CTNNA2: variants seen among roughly 807,000 people sequenced by gnomAD.
The protein encoded by CTNNA2 is catenin alpha-2.
CTNNA2 carries 42 observed loss-of-function variants against 101.0 expected under a neutral mutation model. That is an observed-to-expected ratio of 0.42 (90% CI 0.32 to 0.54). The LOEUF (loss-of-function observed/expected upper bound fraction) is 0.54. CTNNA2 is among the 20% of genes least tolerant of loss of function. The pLI is 0.14. For missense variants in CTNNA2, 871 were observed against 1,223.1 expected, an observed-to-expected ratio of 0.71 and a Z score of 4.29; for synonymous variants, 450 against 456.4, an observed-to-expected ratio of 0.99 and a Z score of 0.18.
At chr2:79,302,042 G>A (rs981897198) in intron 2 of CTNNA2, among the ~76,000 whole-genome samples, 5 of 152,024 alleles carry the variant, frequency 3.3e-5, no homozygotes, top group African/African-American at 7.3e-5. Flanking sequence ...GCAGTGAGCC[G>A]AGGCTGCACA....
chr2:80,431,561 C>G (rs1299093795), intron 9 of CTNNA2, among the ~76,000 whole-genome samples: 1 of 152,172 alleles, frequency 6.6e-6, no homozygotes, highest in Non-Finnish European at 1.5e-5. Flanking sequence ...GAAAACATGT[C>G]ATTACAGTGG....
intron 7 of CTNNA2, among the ~76,000 whole-genome samples, chr2:80,023,462 GCT>G (rs902972481): frequency 3.3e-5 from 5 of 150,498 alleles, no homozygotes; most frequent in African/African-American, 1.3e-4. Flanking sequence ...GTGGATTCAG[GCT>G]CTGTTTTTTT....
At position 79,571,879 on chromosome 2, in the gene CTNNA2, T is replaced by C. The variant is rs758309481; in HGVS notation, c.-6+58672T>C. Among the ~76,000 whole-genome samples, 6 of 152,130 alleles carry C rather than the reference T, an allele frequency of 3.9e-5. No individual in the cohort carries two copies. The South Asian group carries it at 1.2e-3, about 32-fold the overall frequency. On this transcript the variant is annotated intron_variant, in intron 1 of 18. Coordinates refer to ENST00000402739, the MANE Select transcript of CTNNA2 (RefSeq NM_001282597.3). ...CTTTCCCTCTTTCACTATGACCACC[T>C]TCTTATTTTAGTACTGTCTATACTT...
intron 2 of CTNNA2, among the ~76,000 whole-genome samples, chr2:79,670,143 C>A (rs760652440): frequency 8.3e-4 from 126 of 152,284 alleles, no homozygotes; most frequent in South Asian, 1.0e-3. Context: ...ACAGCTGCAC[C>A]CGGGAGCTCA....
intron 2 of CTNNA2, among the ~76,000 whole-genome samples, chr2:79,242,363 G>A (rs1379466888): frequency 6.6e-6 from 1 of 151,658 alleles, no homozygotes; most frequent in Non-Finnish European, 1.5e-5. Context: ...TTTTTTGTTT[G>A]TTGCATCTAA....
At chr2:80,140,362 G>C (rs1702939420) in intron 7 of CTNNA2, among the ~76,000 whole-genome samples, 2 of 152,124 alleles carry the variant, frequency 1.3e-5, no homozygotes, top group South Asian at 4.1e-4. Flanking sequence ...CCTCGGGCAT[G>C]CCATGACCTT....
chr2:79,839,664 G>A (rs529830139), intron 3 of CTNNA2, among the ~76,000 whole-genome samples: 3 of 151,210 alleles, frequency 2.0e-5, no homozygotes, highest in Non-Finnish European at 4.4e-5. Flanking sequence ...CTATCTTCTA[G>A]TTTTTTTTCT....
intron 7 of CTNNA2, among the ~76,000 whole-genome samples, chr2:80,061,725 C>T (rs1286262369): frequency 2.6e-5 from 4 of 152,036 alleles, no homozygotes; most frequent in Non-Finnish European, 5.9e-5. Context: ...TTAAATTTGT[C>T]GCTTATAATA....
intron 9 of CTNNA2, among the ~76,000 whole-genome samples, chr2:80,479,645 AG>A (rs1685997103): frequency 6.6e-6 from 1 of 152,134 alleles, no homozygotes; most frequent in South Asian, 2.1e-4. Context: ...GCAGATATGG[AG>A]GAAAGCTTTC....
intron 7 of CTNNA2, among the ~76,000 whole-genome samples, chr2:80,311,573 T>A (rs1342496036): frequency 1.3e-5 from 2 of 152,248 alleles, no homozygotes; most frequent in African/African-American, 4.8e-5. Context: ...TTACGTGGAC[T>A]TAATTCCTGC....
At chr2:79,605,244 A>G (rs1172874994) in intron 1 of CTNNA2, among the ~76,000 whole-genome samples, 1 of 152,182 alleles carries the variant, frequency 6.6e-6, no homozygotes, top group Non-Finnish European at 1.5e-5. Context: ...TAGATTCGCC[A>G]TGATAGGAGA....
intron 4 of CTNNA2, among the ~76,000 whole-genome samples, chr2:79,393,751 C>G (rs1678199745): frequency 6.6e-6 from 1 of 151,968 alleles, no homozygotes; most frequent in Non-Finnish European, 1.5e-5. Flanking sequence ...TTCAGCTCAC[C>G]CCTATTCTCC....
intron 1 of CTNNA2, among the ~76,000 whole-genome samples, chr2:79,585,363 G>A (rs1243404720): frequency 6.6e-6 from 1 of 151,626 alleles, no homozygotes; most frequent in Non-Finnish European, 1.5e-5. Flanking sequence ...TAACTGTATT[G>A]GATAACACTT....
intron 9 of CTNNA2, among the ~76,000 whole-genome samples, chr2:80,476,758 G>A (rs1272221939): frequency 6.6e-6 from 1 of 152,106 alleles, no homozygotes; most frequent in Non-Finnish European, 1.5e-5. Flanking sequence ...AATGAAGGGG[G>A]CATCATGGAA....
At chr2:80,059,081 G>A (rs956352018) in intron 7 of CTNNA2, among the ~76,000 whole-genome samples, 7 of 152,116 alleles carry the variant, frequency 4.6e-5, no homozygotes, top group African/African-American at 1.7e-4. Flanking sequence ...TATCTGCTGA[G>A]AATCACAATG....
At chr2:80,544,456 C>T (rs544818896) in intron 9 of CTNNA2, among the ~76,000 whole-genome samples, 2 of 152,010 alleles carry the variant, frequency 1.3e-5, no homozygotes, top group East Asian at 1.9e-4. Context: ...TTACATTGCT[C>T]ATAACAGCTG....
intron 4 of CTNNA2, among the ~76,000 whole-genome samples, chr2:79,465,132 C>A (rs1573178380): frequency 6.6e-6 from 1 of 152,258 alleles, no homozygotes; most frequent in East Asian, 1.9e-4. Context: ...ACATGTAAGT[C>A]TTTAATCCAT....
At chr2:79,891,777 T>C (rs1348237692) in intron 6 of CTNNA2, among the ~76,000 whole-genome samples, 1 of 152,116 alleles carries the variant, frequency 6.6e-6, no homozygotes, top group East Asian at 1.9e-4. Context: ...CTGAAGTAAG[T>C]AGGAAGAAAC....
At chr2:80,397,369 G>A (rs1278157614) in intron 8 of CTNNA2, among the ~76,000 whole-genome samples, 1 of 152,144 alleles carries the variant, frequency 6.6e-6, no homozygotes, top group Non-Finnish European at 1.5e-5. Context: ...TTACAGATGA[G>A]GATGTGAAGC....
Sources: gnomAD v4.1 joint callset for allele counts (sites outside exome capture counted in the v4.1 genomes callset) on GRCh38, gnomAD v4.1.1 for gene constraint, MANE v1.5 for transcripts, NCBI Gene and HGNC (gene_info 2026-07-23, HGNC 2026-07-21) for gene names.